Variants in PYGM observed in about 807,000 individuals in gnomAD.
PYGM encodes the protein glycogen phosphorylase, muscle associated, also known as glycogen phosphorylase, muscle form.
PYGM carries 81 observed loss-of-function variants against 99.3 expected under a neutral mutation model. The observed-to-expected ratio is 0.82, with a 90% confidence interval of 0.68 to 0.98. The LOEUF is 0.98. Ranked by LOEUF, PYGM falls within the 50% of genes least tolerant of loss-of-function variation. The probability of loss-of-function intolerance (pLI) is 0.00; values close to 1 mark genes in which losing one functional copy is unlikely to be tolerated. For synonymous variants in PYGM, 436 were observed against 451.5 expected (o/e 0.97, Z 0.44); for missense variants, 1,030 against 1,158.1 (o/e 0.89, Z 1.61).
rs776680924 is a variant in PYGM at position 64,758,514 on chromosome 11, A to G, written c.347T>C (p.Leu116Pro). 34 of 1,613,938 alleles carry G rather than the reference A, an allele frequency of 2.1e-5. No homozygotes were observed. Among genetic ancestry groups the G allele is most frequent in the East Asian group, 2.2e-5 (1 of 44,880 alleles). ...ENACDEATYQLGLDMEELEEI... is the reference protein window; with the variant it reads ...ENACDEATYQPGLDMEELEEI... ...CTCCAGCTCCTCCATGTCCAGGCCC[A>G]GCTGGAGGAGTGAGGGTGACAGTGG... Residue 116 changes from leucine (L) to proline (P), a missense_variant and splice_region_variant, in exon 3 of 20, where the codon CTG (leucine) becomes CCG (proline). Transcript: ENST00000164139.
Position 64,753,571 on chromosome 11 carries a change from G to T in PYGM, c.1351C>A (p.His451Asn). 6.2e-7 allele frequency: 1 copy of T among 1,604,070 alleles called. No homozygotes were observed. ...NMAHLCIAGS[H>N]AVNGVARIHS... ...ATGCGCGCCACGCCGTTGACGGCGT[G>T]CGACCCCGCGATGCACAGGTGTGCC... Residue 451 changes from histidine (H) to asparagine (N), a missense_variant, in exon 11 of 20, where the codon CAC becomes AAC. Coordinates refer to ENST00000164139, the MANE Select transcript of PYGM (RefSeq NM_005609.4).
At position 64,754,219 on chromosome 11, in the gene PYGM, G is replaced by C. The variant is rs199813168; in HGVS notation, c.1092+34C>G. 4.5e-5 allele frequency: 71 copies of C among 1,590,466 alleles called. No individual in the cohort carries two copies. The African/African-American group carries it at 8.6e-4, about 19-fold the overall frequency. On this transcript the variant is annotated intron_variant, in intron 9 of 19. Coordinates refer to ENST00000164139, the MANE Select transcript of PYGM (RefSeq NM_005609.4). The surrounding 1 kb of genome is among the most constrained non-coding windows in gnomAD (Gnocchi z 5.5). The stretch of plus-strand genomic sequence containing the variant: ...TGGGAAGGGAACCCCGAGGCAGAGA[G>C]CATCAGATGGGGCAGAGGGGCCCTG...
rs953878453 is a variant in PYGM at position 64,759,683 on chromosome 11, C to T, written c.216G>A (p.Gln72=). ...DHLVGRWIRT[Q]QHYYEKDPKR... is the part of the protein sequence containing the mutation. ...TGGGGTCCTTCTCATAGTAGTGCTG[C>T]TGCGTGCGGATCCAGCGCCCCACGA... The change falls in exon 1 of 20, where the codon CAG becomes CAA. Residue 72 remains glutamine, a synonymous_variant. Transcript: ENST00000164139. The T allele has an allele frequency of 6.2e-7, 1 of 1,614,090 alleles. No individual in the cohort carries two copies. The highest frequency in any genetic ancestry group is 1.3e-5 in the African/African-American group (1 of 75,072).
rs2058368288 is a variant in PYGM, at chr11:64,753,167, A to G, written c.1424T>C (p.Leu475Pro). The change falls in exon 12 of 20, where the codon CTG (leucine) becomes CCG (proline). Residue 475 changes from leucine to proline, a missense_variant. Coordinates refer to ENST00000164139, the MANE Select transcript of PYGM (RefSeq NM_005609.4). ...KKTIFKDFYE[L>P]EPHKFQNKTN... ...CTTATTCTGGAACTTATGAGGCTCCAGCTCATAGAAGTCTTTGAAGCTGCA... is the reference window on the plus strand; with the variant it reads ...CTTATTCTGGAACTTATGAGGCTCCGGCTCATAGAAGTCTTTGAAGCTGCA... 6.2e-7 allele frequency: 1 copy of G among 1,612,424 alleles called. No homozygotes were observed. Among genetic ancestry groups the G allele is most frequent in the Admixed American group, 1.7e-5 (1 of 60,004 alleles).
intron 12 of PYGM, 41 bp downstream of exon 12, chr11:64,753,032 G>C (rs2058367115): frequency 6.6e-7 from 1 of 1,517,120 alleles, no homozygotes; most frequent in South Asian, 1.1e-5. Flanking sequence ...ATCCCTGCAG[G>C]GACCCATGTT....
rs571012313 is a variant in PYGM, at chr11:64,752,834, T to C, written c.1518+239A>G. Among the ~76,000 whole-genome samples the C allele has an allele frequency of 4.6e-5, 7 of 152,332 alleles. No individual in the cohort carries two copies. In the East Asian group the frequency reaches 1.4e-3, roughly 29 times the overall value. On this transcript the variant is annotated intron_variant, in intron 12 of 19. Transcript: ENST00000164139. ...GCTCACTTCAGATGTGACCCATGGA[T>C]GACTCCCTCTGCTGTGTTCACCTCC... is the stretch of plus-strand genomic sequence containing the variant.
chr11:64,747,173 T>A (rs1340134377), intron 18 of PYGM, 51 bp downstream of exon 18: 1 of 1,608,092 alleles, frequency 6.2e-7, no homozygotes, highest in Non-Finnish European at 8.5e-7. Flanking sequence ...CACCTGAGCC[T>A]CGATCTGCCC....
chr11:64,756,499 G>A (rs2058395178), intron 5 of PYGM, among the ~76,000 whole-genome samples: 1 of 152,172 alleles, frequency 6.6e-6, no homozygotes, highest in African/African-American at 2.4e-5. Flanking sequence ...TACCCAGGCT[G>A]GAGTGCAGTG....
Position 64,754,957 on chromosome 11 carries a change from T to A in PYGM, c.856-121A>T. On this transcript the variant is annotated intron_variant, in intron 7 of 19. Transcript: ENST00000164139. The surrounding 1 kb of genome is among the most constrained non-coding windows in gnomAD (Gnocchi z 5.5). ...ACCCCTGAGCCCTGAGCCGGCCCCC[T>A]CTCTGGGACCCAGGGGCCTTTCCTC... 1 of 1,381,288 alleles carries A rather than the reference T, an allele frequency of 7.2e-7. No individual in the cohort carries two copies. Among genetic ancestry groups the A allele is most frequent in the Non-Finnish European group, 9.8e-7 (1 of 1,017,584 alleles). 85.6% of individuals were successfully genotyped at this position (1,381,288 alleles called of 1,614,324 possible).
chr11:64,759,205 C>T (rs1049500817), intron 1 of PYGM, among the ~76,000 whole-genome samples: 9 of 152,236 alleles, frequency 5.9e-5, no homozygotes, highest in African/African-American at 1.4e-4. Flanking sequence ...CCTCCTGGGC[C>T]GTCTGCCCGC....
chr11:64,753,436 G>A (rs1396249077), intron 11 of PYGM, 83 bp downstream of exon 11: 57 of 1,485,386 alleles, frequency 3.8e-5, no homozygotes, highest in Middle Eastern at 1.8e-4. Flanking sequence ...GAGAGTGGTC[G>A]GTGAAGGGCG....
chr11:64,751,273 C>T lies in PYGM; in HGVS notation c.1969+52G>A. On this transcript the variant is annotated intron_variant, in intron 16 of 19. Coordinates refer to ENST00000164139, the MANE Select transcript of PYGM (RefSeq NM_005609.4). ...AGGAAGAGACGACTGATACCTCTTC[C>T]TGAGACTGAACTAGTCAGAGCCTCC... 6 of 1,611,906 alleles carry T rather than the reference C, an allele frequency of 3.7e-6. No individual in the cohort carries two copies. The South Asian group carries it at 6.6e-5, about 18-fold the overall frequency.
chr11:64,751,632 A>T lies in PYGM; in HGVS notation c.1792T>A (p.Phe598Ile). ...ATCATCACAGTCCGAGGCACAAAAA[A>T]CTTATTGGGCTCCCTCTTGATGCCT... ...YNRIKREPNK[F>I]FVPRTVMIGG... Residue 598 changes from phenylalanine to isoleucine, a missense_variant, in exon 15 of 20, where the codon TTT (phenylalanine) becomes ATT (isoleucine). By Grantham distance (21) the Phe-to-Ile change is conservative (BLOSUM62 0). Transcript: ENST00000164139. The T allele has an allele frequency of 6.2e-7, 1 of 1,613,916 alleles. No homozygotes were observed.
rs746117656 is a variant in PYGM, at chr11:64,746,761, A to G, written c.2427T>C (p.Ser809=). 6.8e-6 allele frequency: 11 copies of G among 1,614,054 alleles called. No homozygotes were observed. The highest frequency in any genetic ancestry group is 9.3e-6 in the Non-Finnish European group (11 of 1,180,030). Residue 809 remains serine, a synonymous_variant, in exon 20 of 20, where the codon TCT becomes TCC. Coordinates refer to ENST00000164139, the MANE Select transcript of PYGM (RefSeq NM_005609.4). The part of the protein sequence containing the change: ...TRMVIRNIAT[S]GKFSSDRTIA... ...TGGTGCGGTCACTGGAGAACTTGCC[A>G]GAGGTGGCTATGTTCCGGATCACCA...
intron 10 of PYGM, 69 bp from the exon 11 acceptor site, chr11:64,753,751 C>A: frequency 6.5e-7 from 1 of 1,546,356 alleles, no homozygotes. Context: ...AGCCCCACAC[C>A]CCCAGAGCTC....
chr11:64,748,740 C>G (rs1592406915), intron 17 of PYGM: 1 of 152,180 alleles, frequency 6.6e-6, no homozygotes, highest in African/African-American at 2.4e-5. Context: ...TGGAAAATCT[C>G]TCTCCAATGC....
chr11:64,751,728 TG>T, intron 14 of PYGM, 73 bp from the exon 15 acceptor site: 1 of 1,580,334 alleles, frequency 6.3e-7, no homozygotes. Context: ...GAGGCTGGGC[TG>T]GGACACCGTA....
chr11:64,754,130 A>G lies in PYGM; in HGVS notation c.1093-105T>C, dbSNP rs1269192421. The G allele has an allele frequency of 3.8e-6, 6 of 1,595,450 alleles. No homozygotes were observed. In the African/African-American group the frequency reaches 8.1e-5, roughly 21 times the overall value. ...CCCCACTGCAGTGCCAGGTTCCAGG[A>G]CGGTCCCTCTGGCCTCAGGCTCTGA... On this transcript the variant is annotated intron_variant, in intron 9 of 19. Transcript: ENST00000164139. This position sits in a 1 kb window ranked among gnomAD's most constrained non-coding sequence, Gnocchi z 5.5.
intron 13 of PYGM, 148 bp downstream of exon 13, chr11:64,752,255 G>A (rs2058361909): frequency 2.4e-6 from 3 of 1,264,394 alleles, no homozygotes; most frequent in Middle Eastern, 4.5e-4. Flanking sequence ...GTCAGATGAT[G>A]CCTTCCCACC....
Sources: allele counts gnomAD v4.1 joint callset (sites outside exome capture counted in the v4.1 genomes callset), GRCh38; gene constraint gnomAD v4.1.1; non-coding constraint Gnocchi (gnomAD v3.1); transcripts MANE v1.5; gene names NCBI Gene and HGNC (gene_info 2026-07-23, HGNC 2026-07-21).